Variants in PCSK5 observed in about 807,000 individuals in gnomAD.
PCSK5 encodes proprotein convertase subtilisin/kexin type 5, also known as prohormone convertase 5.
In PCSK5, 129 loss-of-function variants were observed where a neutral mutation model predicts 233.2. The observed-to-expected ratio is 0.55, with a 90% CI of 0.48 to 0.64. The LOEUF is 0.64. PCSK5 is among the 30% of genes least tolerant of loss of function. The pLI, the probability that PCSK5 is intolerant of heterozygous loss-of-function variation, is 0.00. For synonymous variants in PCSK5, 825 were observed against 879.2 expected (o/e 0.94, Z 1.09); for missense variants, 2,076 against 2,430.1 (o/e 0.85, Z 3.06).
At chr9:76,329,906 C>T (rs1829478132) in intron 33 of PCSK5, among the ~76,000 whole-genome samples, 1 of 152,046 alleles carries the variant, frequency 6.6e-6, no homozygotes, top group African/African-American at 2.4e-5. Context: ...TGCCCGTGAT[C>T]AGTTGCAGAG....
chr9:76,140,480 A>G (rs530388565), intron 10 of PCSK5, among the ~76,000 whole-genome samples: 11 of 152,258 alleles, frequency 7.2e-5, no homozygotes, highest in Admixed American at 3.9e-4. Flanking sequence ...TTAAAAGTAT[A>G]TCTTCATACA....
At chr9:76,286,113 G>A (rs1268300499) in intron 24 of PCSK5, among the ~76,000 whole-genome samples, 1 of 152,136 alleles carries the variant, frequency 6.6e-6, no homozygotes, top group Non-Finnish European at 1.5e-5. Context: ...ACATAAATGT[G>A]TTCAAAAGGT....
intron 37 of PCSK5, among the ~76,000 whole-genome samples, chr9:76,355,570 T>C (rs959223827): frequency 2.0e-5 from 3 of 152,236 alleles, no homozygotes; most frequent in Admixed American, 6.5e-5. Context: ...AGAAGTGACA[T>C]TCACTGACAA....
At position 76,308,729 on chromosome 9, in the gene PCSK5, G is replaced by C. The variant is rs1321902214; in HGVS notation, c.3688+1G>C. 3.8e-6 allele frequency: 6 copies of C among 1,596,560 alleles called. No homozygotes were observed. Among genetic ancestry groups the C allele is most frequent in the Non-Finnish European group, 5.1e-6 (6 of 1,165,612 alleles). ...ACTCTGTGCACTTCATGTCCCAAAG[G>C]TTAGTGTGTTGCGTGACAGAAGATG... On this transcript the variant is annotated splice_donor_variant, in intron 29 of 37. Transcript: ENST00000674117. LOFTEE classifies it high-confidence loss of function.
intron 20 of PCSK5, among the ~76,000 whole-genome samples, chr9:76,222,022 G>GAT (rs1019877409): frequency 6.6e-6 from 1 of 152,196 alleles, no homozygotes; most frequent in African/African-American, 2.4e-5. Flanking sequence ...CCAGGGTAGG[G>GAT]ATGTAGAACC....
chr9:76,172,474 G>T (rs1181679799), intron 13 of PCSK5, among the ~76,000 whole-genome samples: 2 of 152,122 alleles, frequency 1.3e-5, no homozygotes, highest in Non-Finnish European at 2.9e-5. Flanking sequence ...ATAAAGAGAT[G>T]AATTACACAG....
At chr9:76,054,892 T>C (rs1357676989) in intron 5 of PCSK5, among the ~76,000 whole-genome samples, 3 of 152,130 alleles carry the variant, frequency 2.0e-5, no homozygotes, top group Non-Finnish European at 2.9e-5. Context: ...ATAAGAAATA[T>C]TTTCTTGTTT....
At chr9:76,235,204 C>T (rs1826213077) in intron 22 of PCSK5, among the ~76,000 whole-genome samples, 1 of 151,974 alleles carries the variant, frequency 6.6e-6, no homozygotes, top group Non-Finnish European at 1.5e-5. Flanking sequence ...ATGTTAAGAC[C>T]AGCAGTCAGA....
chr9:76,096,190 T>C (rs2377429), intron 8 of PCSK5, 88 bp downstream of exon 8: 190,564 of 589,748 alleles, frequency 0.32, 30,966 homozygotes, highest in African/African-American at 0.4. Flanking sequence ...TATATATATA[T>C]ACACACACAC....
chr9:76,044,640 A>T (rs913116806), intron 5 of PCSK5, among the ~76,000 whole-genome samples: 1 of 152,202 alleles, frequency 6.6e-6, no homozygotes, highest in African/African-American at 2.4e-5. Context: ...TTTTGGTATT[A>T]GAGCTAATTT....
At position 76,314,132 on chromosome 9, in the gene PCSK5, C is replaced by T. The variant is rs568141131; in HGVS notation, c.3884+3281C>T. ...CATTAAAACAAGGAAGAAAGAGATG[C>T]ATTTTGCTTTACTCAAGTTAGTTGA... On this transcript the variant is annotated intron_variant, in intron 30 of 37. Coordinates refer to ENST00000674117, the MANE Select transcript of PCSK5 (RefSeq NM_001372043.1). Among the ~76,000 whole-genome samples the T allele has an allele frequency of 3.3e-5, 5 of 152,312 alleles. No homozygotes were observed. In the East Asian group the frequency reaches 9.6e-4, roughly 29 times the overall value.
chr9:76,328,906 T>C (rs1251545431), intron 33 of PCSK5, among the ~76,000 whole-genome samples: 2 of 151,864 alleles, frequency 1.3e-5, no homozygotes, highest in African/African-American at 4.8e-5. Context: ...ACTCCTGGGT[T>C]CAAGCAATTG....
At chr9:76,256,021 C>T (rs1363014214) in intron 24 of PCSK5, among the ~76,000 whole-genome samples, 3 of 152,212 alleles carry the variant, frequency 2.0e-5, no homozygotes, top group African/African-American at 4.8e-5. Flanking sequence ...AGACTGCACT[C>T]ATACACTATT....
At chr9:76,294,306 C>T (rs1235548827) in intron 25 of PCSK5, among the ~76,000 whole-genome samples, 1 of 152,138 alleles carries the variant, frequency 6.6e-6, no homozygotes, top group African/African-American at 2.4e-5. Flanking sequence ...TCCACTCCTC[C>T]TTCAGGTAAG....
intron 3 of PCSK5, among the ~76,000 whole-genome samples, chr9:75,998,054 C>T (rs1827098442): frequency 6.6e-6 from 1 of 152,146 alleles, no homozygotes; most frequent in Admixed American, 6.5e-5. Flanking sequence ...CTGTGTTCTT[C>T]TAATAGTCTC....
chr9:76,257,266 G>A (rs1052881387), intron 24 of PCSK5, among the ~76,000 whole-genome samples: 10 of 152,088 alleles, frequency 6.6e-5, no homozygotes, highest in African/African-American at 2.4e-4. Flanking sequence ...TTTCATAGAT[G>A]GTAGGAAGAG....
At chr9:76,214,017 G>A (rs1000247815) in intron 20 of PCSK5, among the ~76,000 whole-genome samples, 4 of 151,928 alleles carry the variant, frequency 2.6e-5, no homozygotes, top group African/African-American at 7.3e-5. Flanking sequence ...GTGAGGCCAC[G>A]GAGACCCCAG....
intron 27 of PCSK5, among the ~76,000 whole-genome samples, chr9:76,297,793 C>A (rs1045289280): frequency 5.3e-5 from 8 of 152,228 alleles, no homozygotes; most frequent in East Asian, 1.9e-4. Flanking sequence ...GAGGAGTGTG[C>A]TAAGGGCTCG....
intron 20 of PCSK5, among the ~76,000 whole-genome samples, chr9:76,212,628 C>T (rs1825374929): frequency 6.6e-6 from 1 of 152,212 alleles, no homozygotes; most frequent in Non-Finnish European, 1.5e-5. Context: ...TTAACTCACT[C>T]AAGTTTAAGT....
Sources: allele counts gnomAD v4.1 joint callset (sites outside exome capture counted in the v4.1 genomes callset), GRCh38; gene constraint gnomAD v4.1.1; transcripts MANE v1.5; gene names NCBI Gene and HGNC (gene_info 2026-07-23, HGNC 2026-07-21).